Variants in NXPH2 observed in about 807,000 individuals in gnomAD.
NXPH2 encodes neurexophilin 2, also known as neurexophilin-2.
In NXPH2, 5 loss-of-function variants were observed where a neutral mutation model predicts 19.8. The ratio of observed to expected loss-of-function variants is 0.25; its 90% CI spans 0.13 to 0.53. The LOEUF (loss-of-function observed/expected upper bound fraction) is 0.53. NXPH2 is among the 20% of genes least tolerant of loss of function. NXPH2 has a pLI of 0.96. For missense variants in NXPH2, 289 were observed against 322.8 expected (o/e 0.90, Z 0.80); for synonymous variants, 154 against 127.4 (o/e 1.21, Z -1.41).
chr2:138,727,211 T>C (rs897681509), intron 1 of NXPH2, among the ~76,000 whole-genome samples: 4 of 152,198 alleles, frequency 2.6e-5, no homozygotes, highest in Non-Finnish European at 5.9e-5. Context: ...GCTTCTGAGT[T>C]TGGGCAATTA....
intron 1 of NXPH2, among the ~76,000 whole-genome samples, chr2:138,751,039 C>T (rs1681821554): frequency 1.3e-5 from 2 of 150,590 alleles, no homozygotes; most frequent in Non-Finnish European, 3.0e-5. Flanking sequence ...CCCCCACCCC[C>T]ATCTCTTTCT....
chr2:138,760,709 T>A (rs930098641), intron 1 of NXPH2, among the ~76,000 whole-genome samples: 1 of 152,180 alleles, frequency 6.6e-6, no homozygotes, highest in African/African-American at 2.4e-5. Flanking sequence ...ACCCATGGTA[T>A]CTATCTCCCA....
intron 1 of NXPH2, among the ~76,000 whole-genome samples, chr2:138,680,010 A>C (rs1156798111): frequency 7.2e-5 from 11 of 152,072 alleles, no homozygotes; most frequent in Admixed American, 7.2e-4. Flanking sequence ...AATTTACCCA[A>C]TCAGAAAAAT....
intron 1 of NXPH2, among the ~76,000 whole-genome samples, chr2:138,738,839 C>T (rs528819545): frequency 3.3e-5 from 5 of 152,296 alleles, no homozygotes; most frequent in South Asian, 2.1e-4. Flanking sequence ...GGCACAAAAT[C>T]GGATGATTGG....
At chr2:138,682,361 G>C (rs1263209731) in intron 1 of NXPH2, among the ~76,000 whole-genome samples, 1 of 152,094 alleles carries the variant, frequency 6.6e-6, no homozygotes, top group African/African-American at 2.4e-5. Context: ...ATGCTGTATT[G>C]ATGATTAGTA....
chr2:138,694,073 CG>C (rs1387444301), intron 1 of NXPH2, among the ~76,000 whole-genome samples: 1 of 151,982 alleles, frequency 6.6e-6, no homozygotes, highest in Non-Finnish European at 1.5e-5. Flanking sequence ...ATTATATGAT[CG>C]AAGACTTTCC....
chr2:138,746,345 C>T (rs1286578225), intron 1 of NXPH2, among the ~76,000 whole-genome samples: 2 of 152,188 alleles, frequency 1.3e-5, no homozygotes, highest in Admixed American at 1.3e-4. Flanking sequence ...TCCTGTGAAG[C>T]GGCAGTTCAC....
At chr2:138,753,377 C>T (rs1367236869) in intron 1 of NXPH2, among the ~76,000 whole-genome samples, 1 of 152,032 alleles carries the variant, frequency 6.6e-6, no homozygotes, top group African/African-American at 2.4e-5. Flanking sequence ...TACTTTCTGG[C>T]ACTACAAGAC....
rs1452550608 is a variant in NXPH2, at chr2:138,677,047, C to G, written c.52-5382G>C. ...TCTGGCAGGTGCCCTCATTCCTGAA[C>G]AGACAATTTCTGTGATACAACATGC... is the stretch of plus-strand genomic sequence containing the variant. On this transcript the variant is annotated intron_variant, in intron 1 of 1. Coordinates refer to ENST00000272641, the MANE Select transcript of NXPH2 (RefSeq NM_007226.3). Among the ~76,000 whole-genome samples the G allele has an allele frequency of 2.6e-5, 4 of 152,306 alleles. No homozygotes were observed. In the East Asian group the frequency reaches 7.7e-4, roughly 29 times the overall value.
rs183922008 is a variant in NXPH2, at chr2:138,732,729, G to C, written c.51+47462C>G. Among the ~76,000 whole-genome samples, 410 of 151,888 alleles carry C rather than the reference G, an allele frequency of 2.7e-3. 1 individual carries two copies. The highest frequency in any genetic ancestry group is 9.3e-3 in the African/African-American group (386 of 41,380). ...TATTCTGATTCTATTCTGTGGCTTT[G>C]ACCTGTGATTCTGAAGTCCTAATAA... On this transcript the variant is annotated intron_variant, in intron 1 of 1. Transcript: ENST00000272641.
intron 1 of NXPH2, among the ~76,000 whole-genome samples, chr2:138,751,643 CAT>C (rs1177638503): frequency 1.9e-4 from 29 of 152,216 alleles, no homozygotes; most frequent in African/African-American, 6.3e-4. Context: ...TCAAAGGAGA[CAT>C]ATAATATAAC....
chr2:138,683,528 A>G (rs1029785060), intron 1 of NXPH2, among the ~76,000 whole-genome samples: 8 of 152,178 alleles, frequency 5.3e-5, no homozygotes, highest in African/African-American at 1.4e-4. Flanking sequence ...GGTTTGGAAA[A>G]GTGACTTTGT....
chr2:138,737,846 T>C (rs1473778625), intron 1 of NXPH2, among the ~76,000 whole-genome samples: 1 of 152,218 alleles, frequency 6.6e-6, no homozygotes, highest in Non-Finnish European at 1.5e-5. Flanking sequence ...TCTTACTATA[T>C]GGTAAATACC....
At chr2:138,743,146 G>C (rs1407562378) in intron 1 of NXPH2, among the ~76,000 whole-genome samples, 5 of 152,184 alleles carry the variant, frequency 3.3e-5, no homozygotes, top group Admixed American at 6.5e-5. Context: ...TCTTTTGATT[G>C]CTTGTAACAA....
At chr2:138,719,915 C>A (rs1681250313) in intron 1 of NXPH2, among the ~76,000 whole-genome samples, 1 of 152,030 alleles carries the variant, frequency 6.6e-6, no homozygotes, top group Non-Finnish European at 1.5e-5. Context: ...TTTTCTTGTG[C>A]AAATAGCTTT....
intron 1 of NXPH2, among the ~76,000 whole-genome samples, chr2:138,710,619 A>T (rs969375561): frequency 1.3e-5 from 2 of 152,120 alleles, no homozygotes; most frequent in African/African-American, 4.8e-5. Context: ...TGGCCTATTG[A>T]TTAGCTGGCA....
At chr2:138,723,818 C>T (rs921151928) in intron 1 of NXPH2, among the ~76,000 whole-genome samples, 1 of 152,104 alleles carries the variant, frequency 6.6e-6, no homozygotes, top group African/African-American at 2.4e-5. Flanking sequence ...GGATTCCAGG[C>T]TTTTTGGCCT....
chr2:138,716,966 T>C (rs1393447634), intron 1 of NXPH2, among the ~76,000 whole-genome samples: 1 of 152,196 alleles, frequency 6.6e-6, no homozygotes, highest in Non-Finnish European at 1.5e-5. Flanking sequence ...ATCTTGCAGG[T>C]ATAACTGCAC....
chr2:138,706,965 TG>T (rs1232006254), intron 1 of NXPH2, among the ~76,000 whole-genome samples: 1 of 151,304 alleles, frequency 6.6e-6, no homozygotes, highest in Admixed American at 6.6e-5. Flanking sequence ...TTGTTGCAGA[TG>T]GGTCTCTTAA....
Sources: gnomAD v4.1 joint callset for allele counts (sites outside exome capture counted in the v4.1 genomes callset) on GRCh38, gnomAD v4.1.1 for gene constraint, MANE v1.5 for transcripts, NCBI Gene and HGNC (gene_info 2026-07-23, HGNC 2026-07-21) for gene names.